BCKDHB: variants seen among roughly 807,000 people sequenced by gnomAD.
BCKDHB encodes the protein 2-oxoisovalerate dehydrogenase subunit beta, mitochondrial.
In BCKDHB, 41 loss-of-function variants were observed where a neutral mutation model predicts 48.5. The observed-to-expected ratio is 0.85, with a 90% CI of 0.66 to 1.10. The LOEUF (loss-of-function observed/expected upper bound fraction) is 1.10, where lower values mean the gene tolerates loss of function less well. Ranked by LOEUF, BCKDHB falls within the 50% of genes least tolerant of loss-of-function variation. The pLI is 0.00. For missense variants in BCKDHB, 496 were observed against 494.2 expected (o/e 1.00, Z -0.03); for synonymous variants, 201 against 174.8 (o/e 1.15, Z -1.18).
intron 1 of BCKDHB, among the ~76,000 whole-genome samples, chr6:80,108,958 C>A (rs961626061): frequency 1.3e-5 from 2 of 152,198 alleles, no homozygotes; most frequent in African/African-American, 4.8e-5. Context: ...CTTTTAGTTT[C>A]GTATTTTCCA....
At chr6:80,410,132 G>T in the BCKDHB span, among the ~76,000 whole-genome samples, 1 of 152,110 alleles carries the variant, frequency 6.6e-6, no homozygotes, top group Non-Finnish European at 1.5e-5. Flanking sequence ...GCTCTTGTAA[G>T]GCAGGCCTGG....
chr6:80,415,040 T>C, the BCKDHB span, among the ~76,000 whole-genome samples: 3 of 151,920 alleles, frequency 2.0e-5, no homozygotes, highest in Admixed American at 2.0e-4. Flanking sequence ...GTGAATAGAA[T>C]TGCATTTCTC....
intron 8 of BCKDHB, among the ~76,000 whole-genome samples, chr6:80,257,842 C>G (rs1022976246): frequency 1.3e-5 from 2 of 152,168 alleles, no homozygotes; most frequent in East Asian, 1.9e-4. Context: ...AGCAAATAGA[C>G]GGGCACATTT....
chr6:80,190,148 C>T (rs976342754), intron 6 of BCKDHB, among the ~76,000 whole-genome samples: 7 of 151,934 alleles, frequency 4.6e-5, no homozygotes, highest in Admixed American at 6.6e-5. Flanking sequence ...AAGCTTGATT[C>T]GTGTGTAAAA....
chr6:80,422,490 C>T, the BCKDHB span, among the ~76,000 whole-genome samples: 1 of 152,052 alleles, frequency 6.6e-6, no homozygotes, highest in East Asian at 1.9e-4. Context: ...TCCTCCAGAC[C>T]CCAAAAAGGT....
rs115036261 is a variant in BCKDHB at position 80,285,374 on chromosome 6, A to G, written c.1038+12153A>G. ...TGCCTAATTATGTATTCTGTTATCA[A>G]TTTACCTAATAAATTAAATGCAGTT... On this transcript the variant is annotated intron_variant, in intron 9 of 9. Coordinates refer to ENST00000320393, the MANE Select transcript of BCKDHB (RefSeq NM_183050.4). Among the ~76,000 whole-genome samples, 443 of 152,270 alleles carry G rather than the reference A, an allele frequency of 2.9e-3. 1 individual carries two copies. The highest frequency in any genetic ancestry group is 0.01 in the African/African-American group (428 of 41,562).
chr6:80,207,732 A>C (rs753627667), intron 8 of BCKDHB, among the ~76,000 whole-genome samples: 2 of 151,810 alleles, frequency 1.3e-5, no homozygotes, highest in Admixed American at 6.6e-5. Context: ...GCATTAAGGC[A>C]AAAAGGACTA....
chr6:80,280,090 A>C, intron 9 of BCKDHB, among the ~76,000 whole-genome samples: 1 of 152,328 alleles, frequency 6.6e-6, no homozygotes, highest in East Asian at 1.9e-4. Flanking sequence ...CTGTAGCGTA[A>C]GGTAAGCGTT....
At chr6:80,294,467 G>A (rs535707023) in intron 9 of BCKDHB, among the ~76,000 whole-genome samples, 38 of 152,170 alleles carry the variant, frequency 2.5e-4, no homozygotes, top group Non-Finnish European at 4.7e-4. Context: ...ACCGCCTGTG[G>A]GGTTGGACAA....
At chr6:80,324,147 C>T (rs981787696) in intron 9 of BCKDHB, among the ~76,000 whole-genome samples, 1 of 152,166 alleles carries the variant, frequency 6.6e-6, no homozygotes, top group Admixed American at 6.5e-5. Context: ...AAAAAAATCA[C>T]TGAATTAAGT....
chr6:80,230,461 C>T (rs1775879580), intron 8 of BCKDHB, among the ~76,000 whole-genome samples: 1 of 152,116 alleles, frequency 6.6e-6, no homozygotes, highest in South Asian at 2.1e-4. Flanking sequence ...ACTGCAGTGC[C>T]ATGTAAACAA....
the BCKDHB span, among the ~76,000 whole-genome samples, chr6:80,409,575 C>CATATATAT: frequency 4.4e-4 from 22 of 50,362 alleles, no homozygotes; most frequent in East Asian, 9.2e-4. Flanking sequence ...GTATTGGTTG[C>CATATATAT]ATATATATAT....
the BCKDHB span, among the ~76,000 whole-genome samples, chr6:80,425,059 C>T: frequency 6.6e-6 from 1 of 152,110 alleles, no homozygotes; most frequent in Admixed American, 6.6e-5. Context: ...AGACTTTTCC[C>T]AGACTGAAGA....
chr6:80,340,777 GTGTGTGTGTGTGTT>G (rs1396246406), intron 9 of BCKDHB, among the ~76,000 whole-genome samples: 5 of 151,846 alleles, frequency 3.3e-5, no homozygotes, highest in African/African-American at 4.8e-5. Flanking sequence ...TTTTTTCTGT[GTGTGTGTGTGTGTT>G]TGTGTGTGTG....
chr6:80,360,807 A>G, the BCKDHB span, among the ~76,000 whole-genome samples: 5 of 151,920 alleles, frequency 3.3e-5, no homozygotes, highest in African/African-American at 1.2e-4. Context: ...GGAGTTCGAG[A>G]CCAGCCTGGC....
chr6:80,425,760 TG>T, the BCKDHB span, among the ~76,000 whole-genome samples: 4 of 152,188 alleles, frequency 2.6e-5, no homozygotes, highest in Non-Finnish European at 4.4e-5. Flanking sequence ...TGCTGTGTTT[TG>T]TATTTGGAAA....
chr6:80,169,662 T>C, intron 5 of BCKDHB: 1 of 584,742 alleles, frequency 1.7e-6, no homozygotes, highest in African/African-American at 1.9e-5. Context: ...TTTCTGTTTC[T>C]GTTTACTGAA....
the BCKDHB span, among the ~76,000 whole-genome samples, chr6:80,399,934 C>G: frequency 6.6e-6 from 1 of 151,982 alleles, no homozygotes; most frequent in Admixed American, 6.6e-5. Flanking sequence ...AGCCATATAC[C>G]TACAACTATT....
chr6:80,184,940 T>G (rs1305027342), intron 6 of BCKDHB, among the ~76,000 whole-genome samples: 1 of 152,208 alleles, frequency 6.6e-6, no homozygotes, highest in African/African-American at 2.4e-5. Context: ...GCAATAAATT[T>G]CCCAGGTGTT....
Sources: gnomAD v4.1 joint callset for allele counts (sites outside exome capture counted in the v4.1 genomes callset) on GRCh38, gnomAD v4.1.1 for gene constraint, MANE v1.5 for transcripts, NCBI Gene and HGNC (gene_info 2026-07-23, HGNC 2026-07-21) for gene names.